The following FRMD4A variants were observed in gnomAD, a reference collection of about 807,000 sequenced individuals.
The protein encoded by FRMD4A is FERM domain containing 4A, also known as FERM domain-containing protein 4A.
In FRMD4A, 29 loss-of-function variants were observed where a neutral mutation model predicts 129.1. The ratio of observed to expected loss-of-function variants is 0.22; its 90% CI spans 0.17 to 0.31. The LOEUF (loss-of-function observed/expected upper bound fraction) is 0.31, where lower values mean the gene tolerates loss of function less well. FRMD4A is among the 10% of genes least tolerant of loss of function. The pLI is 1.00. For missense variants in FRMD4A, 1,272 were observed against 1,375.8 expected (o/e 0.92, Z 1.19); for synonymous variants, 634 against 571.6 (o/e 1.11, Z -1.56).
chr10:13,694,809 C>A (rs1333221913), intron 14 of FRMD4A, among the ~76,000 whole-genome samples: 4 of 150,572 alleles, frequency 2.7e-5, no homozygotes, highest in Non-Finnish European at 5.9e-5. Flanking sequence ...ACCATTGCAC[C>A]CCAGCCTGGG....
At chr10:13,669,026 T>C (rs1372223824) in intron 17 of FRMD4A, among the ~76,000 whole-genome samples, 1 of 151,206 alleles carries the variant, frequency 6.6e-6, no homozygotes, top group Non-Finnish European at 1.5e-5. Flanking sequence ...AGCTCCATTT[T>C]ACAGACCAGG....
At chr10:13,695,936 G>A (rs569917392) in intron 14 of FRMD4A, among the ~76,000 whole-genome samples, 8 of 152,356 alleles carry the variant, frequency 5.3e-5, no homozygotes, top group African/African-American at 1.4e-4. Flanking sequence ...CAAGGACAGC[G>A]ACTTCCGACC....
intron 12 of FRMD4A, chr10:13,711,849 T>C (rs2088055821): frequency 6.6e-6 from 1 of 152,160 alleles, no homozygotes; most frequent in Non-Finnish European, 1.5e-5. Context: ...AGCAAGTAAG[T>C]GAAGGAACCA....
Position 13,660,563 on chromosome 10 carries a change from G to A in FRMD4A, c.1661-10C>T. ...GTAACCTGAGAGTCTTCTGCACAAA[G>A]ACAGGAAGAGAGGAACTGAGCCCCG... On this transcript the variant is annotated splice_polypyrimidine_tract_variant and intron_variant, in intron 19 of 24. Coordinates refer to ENST00000357447, the MANE Select transcript of FRMD4A (RefSeq NM_018027.5). 2.0e-6 allele frequency: 3 copies of A among 1,527,754 alleles called. No homozygotes were observed. Among genetic ancestry groups the A allele is most frequent in the Non-Finnish European group, 2.7e-6 (3 of 1,108,782 alleles). 94.6% of individuals were successfully genotyped at this position (1,527,754 alleles called of 1,614,324 possible). A position where few individuals can be genotyped will look rare whatever the true frequency, so the allele number is the denominator to read the frequency against.
At chr10:14,285,835 A>G (rs1163273014) in intron 2 of FRMD4A, among the ~76,000 whole-genome samples, 14 of 152,220 alleles carry the variant, frequency 9.2e-5, no homozygotes, top group Admixed American at 4.6e-4. Context: ...GGCAATCAAT[A>G]TATCACGTTC....
chr10:13,771,251 T>TA (rs922599242), intron 6 of FRMD4A, among the ~76,000 whole-genome samples: 1 of 147,508 alleles, frequency 6.8e-6, no homozygotes, highest in Non-Finnish European at 1.5e-5. Flanking sequence ...ATTAAATATA[T>TA]TTTTTTGTAG....
At chr10:14,010,369 A>G (rs1012457517) in intron 2 of FRMD4A, among the ~76,000 whole-genome samples, 2 of 152,264 alleles carry the variant, frequency 1.3e-5, no homozygotes, top group African/African-American at 4.8e-5. Context: ...TAAAATACAT[A>G]TAGAAGAGAA....
chr10:14,159,626 G>A (rs1840776442), intron 2 of FRMD4A, among the ~76,000 whole-genome samples: 1 of 151,974 alleles, frequency 6.6e-6, no homozygotes, highest in Non-Finnish European at 1.5e-5. Context: ...AACAGAAACA[G>A]AATCCTAAAG....
intron 2 of FRMD4A, among the ~76,000 whole-genome samples, chr10:13,859,343 C>A (rs2094260594): frequency 6.6e-6 from 1 of 152,092 alleles, no homozygotes; most frequent in South Asian, 2.1e-4. Context: ...GAGATCGCGC[C>A]ACTGCACTCC....
At chr10:14,213,397 T>G (rs1437162568) in intron 2 of FRMD4A, among the ~76,000 whole-genome samples, 1 of 152,176 alleles carries the variant, frequency 6.6e-6, no homozygotes, top group Admixed American at 6.5e-5. Context: ...TCAACAGCCA[T>G]GTGAGGTAGG....
chr10:13,941,756 A>G (rs1048254226), intron 2 of FRMD4A, among the ~76,000 whole-genome samples: 2 of 152,138 alleles, frequency 1.3e-5, no homozygotes, highest in African/African-American at 4.8e-5. Flanking sequence ...CAAGGCTCCT[A>G]AAAAAGGTGT....
intron 2 of FRMD4A, among the ~76,000 whole-genome samples, chr10:14,238,865 A>AT (rs1313894079): frequency 6.6e-6 from 1 of 152,126 alleles, no homozygotes; most frequent in Non-Finnish European, 1.5e-5. Context: ...ACATGAACTC[A>AT]TTCTTTTTTA....
chr10:14,269,553 C>T (rs1160191670), intron 2 of FRMD4A, among the ~76,000 whole-genome samples: 1 of 152,180 alleles, frequency 6.6e-6, no homozygotes, highest in Non-Finnish European at 1.5e-5. Flanking sequence ...CTCTCTGACC[C>T]TACTCCATTA....
intron 2 of FRMD4A, among the ~76,000 whole-genome samples, chr10:14,241,911 G>A (rs1453586109): frequency 6.6e-6 from 1 of 151,966 alleles, no homozygotes; most frequent in Non-Finnish European, 1.5e-5. Context: ...ACCATCCTGA[G>A]GATCTCTTCT....
At chr10:14,259,584 C>A (rs1036614901) in intron 2 of FRMD4A, among the ~76,000 whole-genome samples, 11 of 152,126 alleles carry the variant, frequency 7.2e-5, no homozygotes, top group South Asian at 2.1e-4. Flanking sequence ...AAATCTGGGG[C>A]TATTTTAACT....
intron 2 of FRMD4A, among the ~76,000 whole-genome samples, chr10:13,962,064 AATGAATG>A (rs2095449190): frequency 6.6e-6 from 1 of 152,156 alleles, no homozygotes; most frequent in Non-Finnish European, 1.5e-5. Context: ...TGAATGAATG[AATGAATG>A]AATGAATCTT....
chr10:14,189,285 G>A (rs754958084), intron 2 of FRMD4A, among the ~76,000 whole-genome samples: 1 of 152,140 alleles, frequency 6.6e-6, no homozygotes, highest in Non-Finnish European at 1.5e-5. Flanking sequence ...AGAGGAGGAA[G>A]AGAATGGGCC....
At chr10:14,038,624 C>T (rs1397526962) in intron 2 of FRMD4A, among the ~76,000 whole-genome samples, 1 of 152,212 alleles carries the variant, frequency 6.6e-6, no homozygotes, top group Non-Finnish European at 1.5e-5. Flanking sequence ...GTCAGCTACT[C>T]ACGCTCAAAT....
chr10:13,704,667 A>T (rs547683135), intron 13 of FRMD4A, among the ~76,000 whole-genome samples: 2 of 152,280 alleles, frequency 1.3e-5, no homozygotes, highest in East Asian at 1.9e-4. Context: ...GATAAAGGGC[A>T]TGAGCTCTGG....
Sources: allele counts gnomAD v4.1 joint callset (sites outside exome capture counted in the v4.1 genomes callset), GRCh38; gene constraint gnomAD v4.1.1; transcripts MANE v1.5; gene names NCBI Gene and HGNC (gene_info 2026-07-23, HGNC 2026-07-21).